TRIM34: variants seen among roughly 807,000 people sequenced by gnomAD.
TRIM34 encodes the protein E3 ubiquitin-protein ligase TRIM34.
TRIM34 carries 41 observed loss-of-function variants against 38.1 expected under a neutral mutation model. That is an observed-to-expected ratio of 1.08 (90% confidence interval 0.84 to 1.40). TRIM34 has a LOEUF of 1.40. Among genes scored for constraint, TRIM34 ranks in the 40% most tolerant of loss-of-function variants. TRIM34 has a pLI of 0.00. For missense variants in TRIM34, 556 were observed against 571.4 expected (o/e 0.97, Z 0.27); for synonymous variants, 200 against 202.5 (o/e 0.99, Z 0.10).
At chr11:5,638,658 T>C (rs1411432564) in intron 4 of TRIM34, among the ~76,000 whole-genome samples, 1 of 152,244 alleles carries the variant, frequency 6.6e-6, no homozygotes, top group Non-Finnish European at 1.5e-5. Flanking sequence ...TGATACCAGT[T>C]TGACAATACG....
chr11:5,620,755 A>G (rs1848966552), upstream of TRIM34, among the ~76,000 whole-genome samples: 1 of 152,156 alleles, frequency 6.6e-6, no homozygotes, highest in Admixed American at 6.5e-5. Flanking sequence ...CTCTTCCTCC[A>G]GATTAGCTTC....
intron 7 of TRIM34, 79 bp from the exon 8 acceptor site, chr11:5,643,065 A>T: frequency 3.1e-6 from 4 of 1,283,354 alleles, no homozygotes; most frequent in Non-Finnish European, 4.1e-6. Context: ...AACCTACTCC[A>T]TATCTGTCAC....
chr11:5,631,378 G>T (rs904376), intron 1 of TRIM34, among the ~76,000 whole-genome samples: 131,827 of 152,186 alleles, frequency 0.87, 57,307 homozygotes, highest in East Asian at 1. Flanking sequence ...AACTCTGAGG[G>T]TATTATGTTC....
At position 5,643,125 on chromosome 11, in the gene TRIM34, A is replaced by ATATATTT. The variant is rs1554923130; in HGVS notation, c.902-18_902-17insATATTTT. On this transcript the variant is annotated intron_variant, in intron 7 of 7. Coordinates refer to ENST00000429814, the MANE Select transcript of TRIM34 (RefSeq NM_021616.6). ...ATTATATTCATATACATATATATAT[A>ATATATTT]TTTTTTTTTTTCTTGCAGTGGATGT... 53,871 of 964,882 alleles carry ATATATTT rather than the reference A, an allele frequency of 0.056. 578 individuals carry two copies. Among genetic ancestry groups the ATATATTT allele is most frequent in the Non-Finnish European group, 0.063 (47,251 of 753,248 alleles). 59.8% of individuals were successfully genotyped at this position (964,882 alleles called of 1,614,324 possible).
chr11:5,634,269 G>C (rs2133931754), intron 3 of TRIM34, among the ~76,000 whole-genome samples: 1 of 152,128 alleles, frequency 6.6e-6, no homozygotes, highest in South Asian at 2.1e-4. Flanking sequence ...ATCCAGGAAA[G>C]CTATCTAGAA....
chr11:5,620,097 C>G (rs1848926027), upstream of TRIM34: 1 of 147,010 alleles, frequency 6.8e-6, no homozygotes. Context: ...TTTCCTGTGA[C>G]TTTATCTGAT....
chr11:5,639,679 CAAA>C (rs58134807), intron 4 of TRIM34, among the ~76,000 whole-genome samples: 8 of 51,142 alleles, frequency 1.6e-4, no homozygotes, highest in African/African-American at 6.1e-4. Context: ...GACTCTATTT[CAAA>C]AAAAAAAAAA....
In TRIM34 at chr11:5,640,668, A is replaced by G. The variant is rs141635634; in HGVS notation, c.751-499A>G. Among the ~76,000 whole-genome samples, 260 of 152,232 alleles carry G rather than the reference A, an allele frequency of 1.7e-3. 1 individual carries two copies. Among genetic ancestry groups the G allele is most frequent in the Admixed American group, 2.5e-3 (38 of 15,288 alleles). On this transcript the variant is annotated intron_variant, in intron 4 of 7. Coordinates refer to ENST00000429814, the MANE Select transcript of TRIM34 (RefSeq NM_021616.6). ...GGGTAGGATGAGCCTCATGTAATCA[A>G]TTAGGAAGTGTTCCCTGCTCTTCTT...
At chr11:5,626,170 AC>A (rs1849216393) in intron 1 of TRIM34, among the ~76,000 whole-genome samples, 1 of 152,254 alleles carries the variant, frequency 6.6e-6, no homozygotes, top group Admixed American at 6.5e-5. Flanking sequence ...CTAGTCAGGC[AC>A]AAGACCCAAC....
chr11:5,633,413 T>C (rs1849576797), intron 2 of TRIM34, among the ~76,000 whole-genome samples: 1 of 152,268 alleles, frequency 6.6e-6, no homozygotes, highest in Admixed American at 6.5e-5. Flanking sequence ...ATTTTTGTCT[T>C]GTTTTTTCCT....
chr11:5,643,218 G>A lies in TRIM34; in HGVS notation c.976G>A (p.Val326Met), dbSNP rs778404270. 1 of 1,612,554 alleles carries A rather than the reference G, an allele frequency of 6.2e-7. No individual in the cohort carries two copies. The highest frequency in any genetic ancestry group is 8.5e-7 in the Non-Finnish European group (1 of 1,179,524). The change falls in exon 8 of 8, where the codon GTG becomes ATG. Residue 326 changes from valine to methionine, a missense_variant. Transcript: ENST00000429814. ...LSEDQRQVIS[V>M]PIWPFQCYNY... ...AGAAGATCAGAGACAAGTGATATCTGTGCCAATTTGGCCTTTTCAGTGTTA... is the reference window on the plus strand; with the variant it reads ...AGAAGATCAGAGACAAGTGATATCTATGCCAATTTGGCCTTTTCAGTGTTA...
upstream of TRIM34, among the ~76,000 whole-genome samples, chr11:5,624,450 T>A (rs574213941): frequency 4.6e-5 from 7 of 152,254 alleles, no homozygotes; most frequent in South Asian, 1.5e-3. Context: ...CATGGTACTT[T>A]GGTAGGTAGC....
At chr11:5,620,413 G>C (rs538963326), upstream of TRIM34, among the ~76,000 whole-genome samples, 25 of 151,560 alleles carry the variant, frequency 1.6e-4, no homozygotes, top group African/African-American at 5.8e-4. Context: ...TCCTTGGCCA[G>C]ACTGGACTCT....
intron 4 of TRIM34, among the ~76,000 whole-genome samples, chr11:5,639,000 C>T (rs1475752592): frequency 6.6e-6 from 1 of 152,014 alleles, no homozygotes; most frequent in Non-Finnish European, 1.5e-5. Context: ...CTATATCTAT[C>T]TTTAACTAGG....
chr11:5,642,713 C>A, intron 6 of TRIM34, 104 bp from the exon 7 acceptor site: 2 of 1,512,162 alleles, frequency 1.3e-6, no homozygotes, highest in South Asian at 1.2e-5. Context: ...TAGCTCACAG[C>A]TTCATGGTAT....
chr11:5,630,229 C>A (rs1362251406), intron 1 of TRIM34, among the ~76,000 whole-genome samples: 1 of 152,020 alleles, frequency 6.6e-6, no homozygotes, highest in African/African-American at 2.4e-5. Flanking sequence ...AATAATATAC[C>A]AGGGGATGGT....
At chr11:5,633,966 C>A in intron 3 of TRIM34, 67 bp downstream of exon 3, 1 of 1,556,068 alleles carries the variant, frequency 6.4e-7, no homozygotes, top group Non-Finnish European at 8.8e-7. Context: ...AAGGAGGCCT[C>A]GTCCTTTTTA....
At chr11:5,633,995 G>A in intron 3 of TRIM34, 96 bp downstream of exon 3, 6 of 1,337,894 alleles carry the variant, frequency 4.5e-6, no homozygotes, top group South Asian at 2.7e-5. Flanking sequence ...CATTGCATGA[G>A]TCCTGAAGCC....
upstream of TRIM34, among the ~76,000 whole-genome samples, chr11:5,620,837 G>A (rs1351146828): frequency 6.6e-6 from 1 of 152,180 alleles, no homozygotes; most frequent in Non-Finnish European, 1.5e-5. Flanking sequence ...CCTACAGTGA[G>A]ATAGCAAGGC....
Sources: gnomAD v4.1 joint callset for allele counts (sites outside exome capture counted in the v4.1 genomes callset) on GRCh38, gnomAD v4.1.1 for gene constraint, MANE v1.5 for transcripts, NCBI Gene and HGNC (gene_info 2026-07-23, HGNC 2026-07-21) for gene names.